The following NOL4 variants were observed in gnomAD, a reference collection of about 807,000 sequenced individuals.
NOL4 encodes the protein nucleolar protein 4.
Under a neutral mutation model 75.9 loss-of-function variants are expected in NOL4, and 17 were observed. That is an observed-to-expected ratio of 0.22 (90% CI 0.15 to 0.34). NOL4 has a LOEUF of 0.34. Ranked by LOEUF, NOL4 falls within the 10% of genes least tolerant of loss-of-function variation. The pLI, the probability that NOL4 is intolerant of heterozygous loss-of-function variation, is 1.00. For synonymous variants in NOL4, 292 were observed against 289.9 expected (o/e 1.01, Z -0.07); for missense variants, 614 against 793.5 (o/e 0.77, Z 2.72).
intron 5 of NOL4, chr18:34,048,617 C>A (rs1459394985): frequency 1.0e-6 from 1 of 985,168 alleles, no homozygotes; most frequent in African/African-American, 1.7e-5. Context: ...CTGTATGAAG[C>A]AGGAGATGGT....
chr18:34,223,044 G>T lies in NOL4; in HGVS notation c.210C>A (p.Val70=). The change falls in exon 1 of 11, where the codon GTC becomes GTA. Residue 70 remains valine (V), a synonymous_variant. Coordinates refer to ENST00000261592, the MANE Select transcript of NOL4 (RefSeq NM_003787.5). ...KGFQLGQPDE[V]RGGGGGAKQV... is the part of the protein sequence containing the mutation. ...GCTTGGCGCCGCCGCCTCCCCCGCG[G>T]ACCTCGTCCGGCTGGCCCAGCTGGA... 6.2e-7 allele frequency: 1 copy of T among 1,613,684 alleles called. No homozygotes were observed. Among genetic ancestry groups the T allele is most frequent in the South Asian group, 1.1e-5 (1 of 91,090 alleles).
intron 9 of NOL4, among the ~76,000 whole-genome samples, chr18:33,921,068 C>A (rs888740737): frequency 1.3e-5 from 2 of 152,158 alleles, no homozygotes; most frequent in Non-Finnish European, 1.5e-5. Context: ...GAACTCTGAT[C>A]CATTTTTTCC....
chr18:33,910,031 T>C (rs2066300925), intron 9 of NOL4, among the ~76,000 whole-genome samples: 1 of 152,230 alleles, frequency 6.6e-6, no homozygotes. Context: ...TGCGTGTACA[T>C]ATGTGTGTGT....
chr18:33,973,800 A>C (rs1172026051), intron 6 of NOL4, among the ~76,000 whole-genome samples: 1 of 152,216 alleles, frequency 6.6e-6, no homozygotes, highest in Non-Finnish European at 1.5e-5. Context: ...ATATTAAGTA[A>C]ACCATGCTGT....
chr18:34,012,489 T>C (rs1029995088), intron 6 of NOL4, among the ~76,000 whole-genome samples: 1 of 151,886 alleles, frequency 6.6e-6, no homozygotes, highest in Non-Finnish European at 1.5e-5. Flanking sequence ...GTATGGAATA[T>C]ACTATTTATA....
At chr18:33,919,910 G>T (rs1173871321) in intron 9 of NOL4, among the ~76,000 whole-genome samples, 2 of 152,118 alleles carry the variant, frequency 1.3e-5, no homozygotes, top group Non-Finnish European at 2.9e-5. Context: ...AATAGATGGG[G>T]GGCTGTGTGT....
At chr18:33,882,657 AG>A (rs1457573850) in intron 10 of NOL4, among the ~76,000 whole-genome samples, 1 of 151,040 alleles carries the variant, frequency 6.6e-6, no homozygotes, top group African/African-American at 2.5e-5. Context: ...GCGATTCCTC[AG>A]GGATCTAGAA....
intron 9 of NOL4, among the ~76,000 whole-genome samples, chr18:33,914,020 T>C (rs1189273543): frequency 1.3e-5 from 2 of 152,148 alleles, no homozygotes; most frequent in African/African-American, 4.8e-5. Context: ...TCTCAGAGGT[T>C]TGTCTTCTAA....
At chr18:34,078,211 G>T (rs1042756906) in intron 5 of NOL4, among the ~76,000 whole-genome samples, 1 of 152,108 alleles carries the variant, frequency 6.6e-6, no homozygotes, top group Non-Finnish European at 1.5e-5. Flanking sequence ...AGAATGAAAT[G>T]AATGTTAGCT....
chr18:34,107,680 G>GAAA (rs78952634), intron 2 of NOL4, among the ~76,000 whole-genome samples: 1 of 101,330 alleles, frequency 9.9e-6, no homozygotes. Context: ...CGCACGTAAA[G>GAAA]AAAAAAAAAA....
At chr18:33,932,362 T>A (rs939395837) in intron 9 of NOL4, among the ~76,000 whole-genome samples, 1 of 152,084 alleles carries the variant, frequency 6.6e-6, no homozygotes, top group Non-Finnish European at 1.5e-5. Context: ...CGTCAAAGAT[T>A]TCTTAAAGTT....
chr18:33,910,658 T>C (rs1021195280), intron 9 of NOL4, among the ~76,000 whole-genome samples: 13 of 152,100 alleles, frequency 8.5e-5, no homozygotes, highest in African/African-American at 3.1e-4. Flanking sequence ...ATCTCTCTCC[T>C]GCTGAGACCC....
chr18:34,125,120 T>C (rs2080325445), intron 2 of NOL4, among the ~76,000 whole-genome samples: 1 of 152,158 alleles, frequency 6.6e-6, no homozygotes. Context: ...CCTAATGATA[T>C]TTGAATTTTA....
At chr18:33,969,687 T>C (rs541152784) in intron 6 of NOL4, among the ~76,000 whole-genome samples, 1 of 152,234 alleles carries the variant, frequency 6.6e-6, no homozygotes, top group South Asian at 2.1e-4. Flanking sequence ...TTTACATTAA[T>C]TCTTCTTAAT....
At chr18:34,195,037 AAAAG>A (rs1418558484) in intron 1 of NOL4, among the ~76,000 whole-genome samples, 1 of 151,818 alleles carries the variant, frequency 6.6e-6, no homozygotes, top group Non-Finnish European at 1.5e-5. Context: ...TCAAAAAAAA[AAAAG>A]AAAGAAAAGA....
At chr18:34,153,330 T>C (rs1407538990) in intron 1 of NOL4, among the ~76,000 whole-genome samples, 1 of 151,938 alleles carries the variant, frequency 6.6e-6, no homozygotes, top group Non-Finnish European at 1.5e-5. Context: ...CCTCTTCCAA[T>C]GTACATTGAG....
chr18:34,129,062 C>G (rs2080512215), intron 2 of NOL4, among the ~76,000 whole-genome samples: 2 of 151,848 alleles, frequency 1.3e-5, no homozygotes, highest in South Asian at 4.1e-4. Flanking sequence ...GAATAATTTA[C>G]TGTTCAATTT....
rs973923651 is a variant in NOL4, at chr18:34,125,468, G to A, written c.414+4403C>T. ...TGGTTAATTAGTCCCATTATAAGTT[G>A]ACAAAAATTCTGGGAATTTTTACAT... is the stretch of plus-strand genomic sequence containing the variant. On this transcript the variant is annotated intron_variant, in intron 2 of 10. Transcript: ENST00000261592. Among the ~76,000 whole-genome samples, 20 of 152,188 alleles carry A rather than the reference G, an allele frequency of 1.3e-4. No individual in the cohort carries two copies. In the East Asian group the frequency reaches 3.5e-3, roughly 26 times the overall value.
chr18:33,958,500 G>A (rs1337028869), intron 6 of NOL4, 82 bp from the exon 7 acceptor site: 1 of 1,293,020 alleles, frequency 7.7e-7, no homozygotes, highest in Non-Finnish European at 1.1e-6. Context: ...AATTTCAACT[G>A]TTTCTCAAAA....
Sources: allele counts gnomAD v4.1 joint callset (sites outside exome capture counted in the v4.1 genomes callset), GRCh38; gene constraint gnomAD v4.1.1; transcripts MANE v1.5; gene names NCBI Gene and HGNC (gene_info 2026-07-23, HGNC 2026-07-21).